The following MTMR12 variants were observed in gnomAD, a reference collection of about 807,000 sequenced individuals.
MTMR12 encodes myotubularin-related protein 12.
MTMR12 carries 33 observed loss-of-function variants against 96.7 expected under a neutral mutation model. That is an observed-to-expected ratio of 0.34 (90% confidence interval 0.26 to 0.46). MTMR12 has a LOEUF of 0.46. MTMR12 is among the 20% of genes least tolerant of loss of function. The pLI is 1.00. For synonymous variants in MTMR12, 298 were observed against 327.2 expected, an observed-to-expected ratio of 0.91 and a Z score of 0.96; for missense variants, 721 against 896.1, an observed-to-expected ratio of 0.80 and a Z score of 2.49.
In MTMR12 at chr5:32,227,995, C is replaced by T. The variant is rs903091619; in HGVS notation, c.*1783G>A. 2 of 152,464 alleles carry T rather than the reference C, an allele frequency of 1.3e-5. No homozygotes were observed. Among genetic ancestry groups the T allele is most frequent in the African/African-American group, 4.8e-5 (2 of 41,422 alleles). 9.4% of individuals were successfully genotyped at this position (152,464 alleles called of 1,614,324 possible). A position where few individuals can be genotyped will look rare whatever the true frequency, so the allele number is the denominator to read the frequency against. ...TGCAAACCTAGAAACTTCTCTTAGTCAATAGTTTCCAATTTTCTGAGACGA... is the reference window on the plus strand; with the variant it reads ...TGCAAACCTAGAAACTTCTCTTAGTTAATAGTTTCCAATTTTCTGAGACGA... On this transcript the variant is annotated 3_prime_UTR_variant, in exon 16 of 16. Transcript: ENST00000382142.
intron 1 of MTMR12, among the ~76,000 whole-genome samples, chr5:32,292,045 C>T (rs767893610): frequency 6.6e-6 from 1 of 152,174 alleles, no homozygotes; most frequent in Non-Finnish European, 1.5e-5. Context: ...ACTCTCTTTG[C>T]GGCTAAAGAA....
chr5:32,269,320 C>T (rs1238776011), intron 5 of MTMR12, among the ~76,000 whole-genome samples: 5 of 151,820 alleles, frequency 3.3e-5, no homozygotes. Context: ...AACCATCCTG[C>T]CCAGCCTATT....
chr5:32,242,260 C>T, intron 11 of MTMR12, 133 bp from the exon 12 acceptor site: 1 of 514,798 alleles, frequency 1.9e-6, no homozygotes, highest in Admixed American at 3.4e-5. Context: ...CGCTAAAATC[C>T]TCTAGAAAAG....
At chr5:32,262,371 T>G (rs1255296391) in intron 7 of MTMR12, among the ~76,000 whole-genome samples, 1 of 152,032 alleles carries the variant, frequency 6.6e-6, no homozygotes, top group Non-Finnish European at 1.5e-5. Context: ...AAGGCCGAGG[T>G]GAGAGGATCG....
At chr5:32,274,767 G>A (rs538950603) in intron 2 of MTMR12, among the ~76,000 whole-genome samples, 6 of 152,250 alleles carry the variant, frequency 3.9e-5, no homozygotes, top group African/African-American at 1.2e-4. Flanking sequence ...TTAGTTAAGC[G>A]TATTTCCTTT....
At chr5:32,242,414 C>T (rs927673265) in intron 11 of MTMR12, among the ~76,000 whole-genome samples, 4 of 152,140 alleles carry the variant, frequency 2.6e-5, no homozygotes, top group East Asian at 1.9e-4. Flanking sequence ...TAAAAACTCA[C>T]GCCTGAGTCT....
intron 1 of MTMR12, among the ~76,000 whole-genome samples, chr5:32,290,328 C>T (rs2112128772): frequency 6.6e-6 from 1 of 152,284 alleles, no homozygotes; most frequent in African/African-American, 2.4e-5. Flanking sequence ...TGACATTATC[C>T]AAGAAGTAAC....
chr5:32,253,243 G>T (rs555329157), intron 8 of MTMR12, among the ~76,000 whole-genome samples: 2 of 152,298 alleles, frequency 1.3e-5, no homozygotes, highest in South Asian at 4.1e-4. Flanking sequence ...AATGTCAATA[G>T]TGCCTAGGTT....
At chr5:32,295,429 G>A (rs758331989) in intron 1 of MTMR12, among the ~76,000 whole-genome samples, 3 of 152,164 alleles carry the variant, frequency 2.0e-5, no homozygotes, top group Non-Finnish European at 4.4e-5. Context: ...TGCTGTTTAC[G>A]CGTTATGCAA....
At chr5:32,266,753 CTCAGGATCACTAAACA>C (rs1287936263) in intron 6 of MTMR12, among the ~76,000 whole-genome samples, 1 of 150,888 alleles carries the variant, frequency 6.6e-6, no homozygotes, top group Non-Finnish European at 1.5e-5. Flanking sequence ...GTACATAGGA[CTCAGGATCACTAAACA>C]TCAGCTTCAT....
intron 10 of MTMR12, among the ~76,000 whole-genome samples, chr5:32,244,037 C>G (rs1748579543): frequency 6.6e-6 from 1 of 152,164 alleles, no homozygotes; most frequent in Non-Finnish European, 1.5e-5. Flanking sequence ...AGTTCGTCCA[C>G]CCAGCATACC....
At chr5:32,310,071 T>C (rs1049555059) in intron 1 of MTMR12, among the ~76,000 whole-genome samples, 1 of 152,054 alleles carries the variant, frequency 6.6e-6, no homozygotes, top group African/African-American at 2.4e-5. Context: ...TCCCAGCACT[T>C]TGGGAGGCTG....
chr5:32,234,963 A>G lies in MTMR12; in HGVS notation c.1511T>C (p.Met504Thr), dbSNP rs1208017717. 1.6e-5 allele frequency: 25 copies of G among 1,611,578 alleles called. No homozygotes were observed. The highest frequency in any genetic ancestry group is 2.1e-5 in the Non-Finnish European group (25 of 1,178,078). ...FNSPHQKDTN[M>T]GREGQDTQSK... Reference sequence around the variant, plus strand: ...CAGGTTCCTAAGAGGGACTCTTACCATGTTAGTATCTTTTTGATGAGGTGA... The same window carrying G: ...CAGGTTCCTAAGAGGGACTCTTACCGTGTTAGTATCTTTTTGATGAGGTGA... The change falls in exon 14 of 16, where the codon ATG becomes ACG. Residue 504 changes from methionine to threonine, a missense_variant and splice_region_variant. By Grantham distance (81) the Met-to-Thr change is moderately conservative. Coordinates refer to ENST00000382142, the MANE Select transcript of MTMR12 (RefSeq NM_001040446.3).
chr5:32,305,511 C>T (rs982308939), intron 1 of MTMR12, among the ~76,000 whole-genome samples: 4 of 152,206 alleles, frequency 2.6e-5, no homozygotes, highest in Admixed American at 2.0e-4. Context: ...ATCATCTATC[C>T]GCCAAAGACA....
intron 6 of MTMR12, among the ~76,000 whole-genome samples, chr5:32,263,991 C>G (rs942821905): frequency 2.0e-5 from 3 of 152,180 alleles, no homozygotes; most frequent in African/African-American, 4.8e-5. Flanking sequence ...TTTGAAGATG[C>G]ACTGCTTGTA....
intron 1 of MTMR12, among the ~76,000 whole-genome samples, chr5:32,308,171 C>T (rs1416763038): frequency 6.6e-6 from 1 of 151,848 alleles, no homozygotes; most frequent in Non-Finnish European, 1.5e-5. Context: ...AAAATACAAA[C>T]ATTAGCTGGG....
At chr5:32,269,508 T>G (rs949525972) in intron 5 of MTMR12, among the ~76,000 whole-genome samples, 12 of 152,174 alleles carry the variant, frequency 7.9e-5, no homozygotes, top group Admixed American at 2.0e-4. Flanking sequence ...TTTCGCCATG[T>G]TGGTCAGGCT....
intron 3 of MTMR12, among the ~76,000 whole-genome samples, chr5:32,272,661 G>C (rs1193115921): frequency 6.6e-6 from 1 of 152,158 alleles, no homozygotes; most frequent in Non-Finnish European, 1.5e-5. Context: ...TTACAGGTAA[G>C]AGCCACCGCG....
chr5:32,307,111 T>A (rs1427169883), intron 1 of MTMR12, among the ~76,000 whole-genome samples: 7 of 152,206 alleles, frequency 4.6e-5, no homozygotes, highest in African/African-American at 9.6e-5. Context: ...TTGGTTAAAA[T>A]ATATATATAC....
Sources: gnomAD v4.1 joint callset for allele counts (sites outside exome capture counted in the v4.1 genomes callset) on GRCh38, gnomAD v4.1.1 for gene constraint, MANE v1.5 for transcripts, NCBI Gene and HGNC (gene_info 2026-07-23, HGNC 2026-07-21) for gene names.